ASIC2: variants seen among roughly 807,000 people sequenced by gnomAD.
ASIC2 encodes acid-sensing ion channel 2.
ASIC2 carries 25 observed loss-of-function variants against 57.3 expected under a neutral mutation model. The ratio of observed to expected loss-of-function variants is 0.44; its 90% confidence interval spans 0.32 to 0.61. The LOEUF (loss-of-function observed/expected upper bound fraction) is 0.61. Ranked by LOEUF, ASIC2 falls within the 20% of genes least tolerant of loss-of-function variation. The pLI is 0.06. For synonymous variants in ASIC2, 319 were observed against 307.5 expected (o/e 1.04, Z -0.39); for missense variants, 641 against 738.1 (o/e 0.87, Z 1.52).
intron 1 of ASIC2, among the ~76,000 whole-genome samples, chr17:33,723,024 C>T (rs1909434745): frequency 6.6e-6 from 1 of 152,074 alleles, no homozygotes; most frequent in Admixed American, 6.5e-5. Flanking sequence ...AGGTAAAAAT[C>T]TGCCAATTTT....
intron 1 of ASIC2, among the ~76,000 whole-genome samples, chr17:33,933,103 A>C (rs962836198): frequency 5.3e-5 from 8 of 152,126 alleles, no homozygotes; most frequent in Admixed American, 5.2e-4. Flanking sequence ...AGCTCCAGTC[A>C]ACCTGACCTT....
intron 1 of ASIC2, among the ~76,000 whole-genome samples, chr17:33,299,193 A>G (rs1206943480): frequency 2.6e-5 from 4 of 152,372 alleles, no homozygotes; most frequent in African/African-American, 4.8e-5. Context: ...AAACTATACT[A>G]CAAGACTACA....
At chr17:33,265,975 A>C (rs1909443294) in intron 1 of ASIC2, among the ~76,000 whole-genome samples, 1 of 151,814 alleles carries the variant, frequency 6.6e-6, no homozygotes, top group Non-Finnish European at 1.5e-5. Context: ...TCCTCAGTTC[A>C]CCTCCTGTCC....
intron 1 of ASIC2, among the ~76,000 whole-genome samples, chr17:33,570,247 C>G (rs1003432626): frequency 1.3e-5 from 2 of 152,220 alleles, no homozygotes; most frequent in African/African-American, 4.8e-5. Flanking sequence ...TCCTGCCTTT[C>G]TTCAGTCCTA....
intron 3 of ASIC2, among the ~76,000 whole-genome samples, chr17:33,060,711 G>T (rs1480944335): frequency 6.6e-6 from 1 of 152,200 alleles, no homozygotes; most frequent in East Asian, 1.9e-4. Context: ...GTCATTGGTA[G>T]CTTGATGGGG....
intron 1 of ASIC2, among the ~76,000 whole-genome samples, chr17:33,877,923 G>T (rs904187785): frequency 2.6e-5 from 4 of 152,148 alleles, no homozygotes; most frequent in African/African-American, 9.7e-5. Context: ...CCAGAGGAAC[G>T]ATCAAGCAGC....
chr17:33,098,203 CT>C (rs1156237481), intron 2 of ASIC2, among the ~76,000 whole-genome samples: 1 of 152,164 alleles, frequency 6.6e-6, no homozygotes, highest in Non-Finnish European at 1.5e-5. Context: ...TTTTAATCTC[CT>C]GCAAAATAGA....
At position 33,424,205 on chromosome 17, in the gene ASIC2, C is replaced by A. The variant is rs1189609934; in HGVS notation, c.556-312138G>T. On this transcript the variant is annotated intron_variant, in intron 1 of 9. Transcript: ENST00000359872. Reference sequence around the variant, plus strand: ...ACACTGGCTTTCCTCACTCCTGCCCCCAAGGGTTATACGTTTCCCCATTTC... The same window carrying A: ...ACACTGGCTTTCCTCACTCCTGCCCACAAGGGTTATACGTTTCCCCATTTC... Among the ~76,000 whole-genome samples the A allele has an allele frequency of 3.3e-5, 5 of 152,280 alleles. No homozygotes were observed. In the East Asian group the frequency reaches 9.7e-4, roughly 29 times the overall value.
intron 1 of ASIC2, among the ~76,000 whole-genome samples, chr17:33,799,386 CT>C (rs1166152747): frequency 3.8e-5 from 1 of 26,340 alleles, no homozygotes; most frequent in South Asian, 6.3e-4. Flanking sequence ...TCCTTTCTTT[CT>C]TTCTTTCTTT....
intron 1 of ASIC2, among the ~76,000 whole-genome samples, chr17:34,116,946 G>C (rs1911442757): frequency 1.3e-5 from 2 of 152,062 alleles, no homozygotes; most frequent in Admixed American, 1.3e-4. Context: ...TTCAATGTGT[G>C]CACGGAAATA....
chr17:33,059,911 T>A (rs960170302), intron 3 of ASIC2, among the ~76,000 whole-genome samples: 1 of 152,252 alleles, frequency 6.6e-6, no homozygotes, highest in African/African-American at 2.4e-5. Context: ...TAATGGCCAG[T>A]GATGATGAGC....
chr17:34,132,488 G>GGGTT (rs1555600811), intron 1 of ASIC2, among the ~76,000 whole-genome samples: 3 of 151,768 alleles, frequency 2.0e-5, no homozygotes, highest in African/African-American at 7.3e-5. Context: ...GTGTCTTCAA[G>GGGTT]GGTCTTTCTT....
At chr17:33,039,773 T>C (rs945283288) in intron 3 of ASIC2, among the ~76,000 whole-genome samples, 1 of 152,128 alleles carries the variant, frequency 6.6e-6, no homozygotes, top group Non-Finnish European at 1.5e-5. Context: ...AGCAAAACCT[T>C]CCACTGGAAG....
intron 1 of ASIC2, among the ~76,000 whole-genome samples, chr17:33,957,597 C>G (rs1254447647): frequency 6.6e-6 from 1 of 152,138 alleles, no homozygotes; most frequent in Non-Finnish European, 1.5e-5. Context: ...GACTTATTCT[C>G]TATCATGAGA....
chr17:33,296,105 T>C (rs1326981135), upstream of ASIC2, among the ~76,000 whole-genome samples: 6 of 152,186 alleles, frequency 3.9e-5, no homozygotes, highest in African/African-American at 4.8e-5. Context: ...TATATTATTA[T>C]GATAATAATA....
intron 1 of ASIC2, chr17:34,038,618 A>G: frequency 6.3e-7 from 1 of 1,597,764 alleles, no homozygotes; most frequent in Non-Finnish European, 8.6e-7. Flanking sequence ...TATCCTTTTT[A>G]CTTCCCTGAT....
intron 1 of ASIC2, among the ~76,000 whole-genome samples, chr17:33,180,586 T>TC (rs1342178397): frequency 1.3e-5 from 2 of 151,846 alleles, no homozygotes; most frequent in Admixed American, 1.3e-4. Context: ...CTTTCCACCA[T>TC]CCCCCAACTG....
chr17:33,399,806 A>G (rs749952882), intron 1 of ASIC2, among the ~76,000 whole-genome samples: 2 of 152,162 alleles, frequency 1.3e-5, no homozygotes, highest in Non-Finnish European at 1.5e-5. Flanking sequence ...TGTGTGCACC[A>G]TGGTAGTGGT....
intron 1 of ASIC2, among the ~76,000 whole-genome samples, chr17:33,844,990 A>G (rs113380164): frequency 2.0e-5 from 3 of 152,256 alleles, no homozygotes; most frequent in Admixed American, 2.0e-4. Context: ...CAGTGAGGCC[A>G]TGATTCAGAA....
Sources: allele counts gnomAD v4.1 joint callset (sites outside exome capture counted in the v4.1 genomes callset), GRCh38; gene constraint gnomAD v4.1.1; transcripts MANE v1.5; gene names NCBI Gene and HGNC (gene_info 2026-07-23, HGNC 2026-07-21).